Variants in SATB2 observed in about 807,000 individuals in gnomAD.
SATB2 encodes the protein DNA-binding protein SATB2.
A neutral mutation model predicts 73.4 loss-of-function variants in SATB2; 1 was observed. The ratio of observed to expected loss-of-function variants is 0.01; its 90% CI spans 0.00 to 0.06. The LOEUF is 0.06. Ranked by LOEUF, SATB2 falls within the 10% of genes least tolerant of loss-of-function variation. The pLI, the probability that SATB2 is intolerant of heterozygous loss-of-function variation, is 1.00. For missense variants in SATB2, 459 were observed against 945.8 expected, an observed-to-expected ratio of 0.49 and a Z score of 6.75; for synonymous variants, 397 against 367.0, an observed-to-expected ratio of 1.08 and a Z score of -0.93.
At chr2:199,398,895 A>C (rs1690383057) in intron 3 of SATB2, among the ~76,000 whole-genome samples, 1 of 152,232 alleles carries the variant, frequency 6.6e-6, no homozygotes, top group Non-Finnish European at 1.5e-5. Flanking sequence ...AGTAACTCCT[A>C]CGAGCTAAGT....
At chr2:199,356,225 C>CAAAAA (rs200509001) in intron 6 of SATB2, among the ~76,000 whole-genome samples, 122 of 100,848 alleles carry the variant, frequency 1.2e-3, no homozygotes, top group East Asian at 2.7e-3. Context: ...GAACATAAGC[C>CAAAAA]AAAAAAAAAA....
intron 9 of SATB2, among the ~76,000 whole-genome samples, chr2:199,318,529 T>C (rs1687797401): frequency 6.6e-6 from 1 of 152,082 alleles, no homozygotes; most frequent in South Asian, 2.1e-4. Flanking sequence ...GACATAAACA[T>C]ACACATATAC....
At chr2:199,468,817 C>T (rs1692646345), upstream of SATB2, 1 of 152,406 alleles carries the variant, frequency 6.6e-6, no homozygotes, top group Non-Finnish European at 1.5e-5. Context: ...AATCTCTGCA[C>T]TTTGTCATCA....
intron 7 of SATB2, among the ~76,000 whole-genome samples, chr2:199,345,534 C>A (rs1233549082): frequency 6.6e-6 from 1 of 151,650 alleles, no homozygotes; most frequent in African/African-American, 2.4e-5. Flanking sequence ...TAACCTTACT[C>A]CAACCACTCT....
At position 199,344,255 on chromosome 2, in the gene SATB2, A is replaced by AAC. The variant is rs146892920; in HGVS notation, c.1173+4444_1173+4445dup. Among the ~76,000 whole-genome samples, 185 of 150,588 alleles carry AAC rather than the reference A, an allele frequency of 1.2e-3. 3 individuals are homozygous for AAC. The highest frequency in any genetic ancestry group is 2.5e-3 in the South Asian group (12 of 4,766). The stretch of plus-strand genomic sequence containing the variant: ...GACAGATGAACGAACACACACACAC[A>AAC]ACACACACACACACACAGAGACAGA... On this transcript the variant is annotated intron_variant, in intron 7 of 10. Coordinates refer to ENST00000417098, the MANE Select transcript of SATB2 (RefSeq NM_001172509.2).
At chr2:199,313,199 T>C (rs1687641771) in intron 9 of SATB2, among the ~76,000 whole-genome samples, 1 of 152,208 alleles carries the variant, frequency 6.6e-6, no homozygotes, top group Admixed American at 6.5e-5. Context: ...GGATATATAA[T>C]ACAGTGCAAT....
intron 10 of SATB2, among the ~76,000 whole-genome samples, chr2:199,295,583 C>T (rs1693006555): frequency 1.3e-5 from 2 of 152,188 alleles, no homozygotes; most frequent in African/African-American, 4.8e-5. Flanking sequence ...CCAGCATACT[C>T]TGACTCTACT....
At chr2:199,421,167 G>A (rs1691155753) in intron 3 of SATB2, among the ~76,000 whole-genome samples, 1 of 152,066 alleles carries the variant, frequency 6.6e-6, no homozygotes, top group Admixed American at 6.6e-5. Context: ...TTCAGAGTAG[G>A]TACTCAAATA....
intron 3 of SATB2, among the ~76,000 whole-genome samples, chr2:199,410,874 T>C (rs1287448209): frequency 1.3e-5 from 2 of 152,216 alleles, no homozygotes; most frequent in African/African-American, 4.8e-5. Flanking sequence ...TGGTAAGACA[T>C]TTACATTCAC....
chr2:199,386,708 G>A (rs1418946689), intron 3 of SATB2, among the ~76,000 whole-genome samples: 4 of 45,914 alleles, frequency 8.7e-5, no homozygotes, highest in African/African-American at 2.7e-4. Context: ...GCGCGCGCGC[G>A]CGCGCGCGCA....
At chr2:199,279,224 C>T (rs1692407734) in intron 10 of SATB2, among the ~76,000 whole-genome samples, 1 of 152,128 alleles carries the variant, frequency 6.6e-6, no homozygotes, top group Admixed American at 6.5e-5. Flanking sequence ...TCATAAAGCA[C>T]AATTATAATA....
chr2:199,324,011 C>A (rs781152037), intron 8 of SATB2, 53 bp from the exon 9 acceptor site: 21 of 1,594,818 alleles, frequency 1.3e-5, no homozygotes, highest in Non-Finnish European at 1.8e-5. Flanking sequence ...TTCAGCCCAG[C>A]CATCTGTGCA....
At chr2:199,435,727 C>G (rs1691634756) in intron 2 of SATB2, among the ~76,000 whole-genome samples, 1 of 152,112 alleles carries the variant, frequency 6.6e-6, no homozygotes, top group Admixed American at 6.5e-5. Context: ...ACCAGTGGCT[C>G]CAGGGATACA....
At chr2:199,344,954 T>C (rs1464855535) in intron 7 of SATB2, among the ~76,000 whole-genome samples, 4 of 152,174 alleles carry the variant, frequency 2.6e-5, no homozygotes, top group Non-Finnish European at 5.9e-5. Context: ...CCAAATCTCA[T>C]GACATGGTTT....
intron 3 of SATB2, among the ~76,000 whole-genome samples, chr2:199,385,325 G>C (rs888718782): frequency 2.0e-5 from 3 of 152,006 alleles, no homozygotes; most frequent in Non-Finnish European, 4.4e-5. Context: ...ATAGAGACAG[G>C]GTTTCACCAT....
chr2:199,397,693 A>C (rs1360004141), intron 3 of SATB2: 1 of 310,468 alleles, frequency 3.2e-6, no homozygotes, highest in Non-Finnish European at 6.6e-6. Context: ...GTTCCAGACC[A>C]GCCTGGCCAA....
At chr2:199,314,713 T>C (rs1379631824) in intron 9 of SATB2, among the ~76,000 whole-genome samples, 1 of 152,090 alleles carries the variant, frequency 6.6e-6, no homozygotes, top group Non-Finnish European at 1.5e-5. Flanking sequence ...AAGATAAAGA[T>C]AGATTTCACC....
chr2:199,408,935 G>A (rs1271048504), intron 3 of SATB2, among the ~76,000 whole-genome samples: 1 of 152,002 alleles, frequency 6.6e-6, no homozygotes, highest in East Asian at 1.9e-4. Flanking sequence ...CATAATGAGG[G>A]AGTGGGAAAA....
intron 5 of SATB2, among the ~76,000 whole-genome samples, chr2:199,377,649 TG>T (rs1451896843): frequency 1.3e-5 from 2 of 152,130 alleles, no homozygotes; most frequent in Non-Finnish European, 2.9e-5. Flanking sequence ...GTCATCTTGA[TG>T]GTCTTTATGA....
Sources: allele counts gnomAD v4.1 joint callset (sites outside exome capture counted in the v4.1 genomes callset), GRCh38; gene constraint gnomAD v4.1.1; transcripts MANE v1.5; gene names NCBI Gene and HGNC (gene_info 2026-07-23, HGNC 2026-07-21).